GRM8: variants seen among roughly 807,000 people sequenced by gnomAD.
GRM8 encodes metabotropic glutamate receptor 8.
A neutral mutation model predicts 87.2 loss-of-function variants in GRM8; 47 were observed. That is an observed-to-expected ratio of 0.54 (90% CI 0.43 to 0.69). GRM8 has a LOEUF of 0.69. GRM8 is among the 30% of genes least tolerant of loss of function. The probability of loss-of-function intolerance (pLI) is 0.00; values close to 1 mark genes in which losing one functional copy is unlikely to be tolerated. For missense variants in GRM8, 1,019 were observed against 1,139.2 expected, an observed-to-expected ratio of 0.89 and a Z score of 1.52; for synonymous variants, 396 against 404.5, an observed-to-expected ratio of 0.98 and a Z score of 0.25.
chr7:126,997,967 C>T (rs1051338353), intron 3 of GRM8, among the ~76,000 whole-genome samples: 3 of 151,850 alleles, frequency 2.0e-5, no homozygotes, highest in African/African-American at 4.8e-5. Context: ...CAGACAAAGA[C>T]ACATCAAAAA....
At chr7:126,745,418 T>TATATTATA (rs1815539099) in intron 7 of GRM8, among the ~76,000 whole-genome samples, 1 of 150,690 alleles carries the variant, frequency 6.6e-6, no homozygotes, top group Non-Finnish European at 1.5e-5. Context: ...TATATTATAC[T>TATATTATA]TGTTTCTCTT....
At chr7:126,550,077 C>G (rs1312801376) in intron 8 of GRM8, among the ~76,000 whole-genome samples, 1 of 151,688 alleles carries the variant, frequency 6.6e-6, no homozygotes, top group African/African-American at 2.4e-5. Context: ...GACAAATTGA[C>G]AAGTTCCAGA....
chr7:127,251,835 C>T (rs564119870), intron 1 of GRM8, among the ~76,000 whole-genome samples: 1 of 152,250 alleles, frequency 6.6e-6, no homozygotes, highest in South Asian at 2.1e-4. Context: ...CCCCCCAACC[C>T]CCAGCAGGAC....
At chr7:126,524,754 G>A (rs536834940) in intron 9 of GRM8, among the ~76,000 whole-genome samples, 30 of 151,560 alleles carry the variant, frequency 2.0e-4, no homozygotes, top group African/African-American at 6.5e-4. Context: ...CTCTGCTCTG[G>A]TTCTATGTTT....
At chr7:126,868,713 A>T (rs1465989254) in intron 6 of GRM8, 1 of 152,254 alleles carries the variant, frequency 6.6e-6, no homozygotes, top group East Asian at 1.9e-4. Flanking sequence ...GCATTATATC[A>T]GAAAAACAAT....
chr7:126,645,806 G>C (rs1251577248), intron 7 of GRM8, among the ~76,000 whole-genome samples: 1 of 152,126 alleles, frequency 6.6e-6, no homozygotes, highest in Non-Finnish European at 1.5e-5. Flanking sequence ...AGATTTCTTA[G>C]CCATCTGGCT....
At chr7:127,084,810 A>C (rs943736316) in intron 3 of GRM8, 2 of 152,168 alleles carry the variant, frequency 1.3e-5, no homozygotes, top group Non-Finnish European at 2.9e-5. Context: ...GAAAGACCAC[A>C]GGTTGTTTTT....
In GRM8 at chr7:126,879,078, G is replaced by T. The variant is rs188529695; in HGVS notation, c.1156+23464C>A. Among the ~76,000 whole-genome samples, 605 of 150,874 alleles carry T rather than the reference G, an allele frequency of 4.0e-3. 8 individuals are homozygous for T. Among genetic ancestry groups the T allele is most frequent in the African/African-American group, 0.014 (585 of 41,120 alleles). On this transcript the variant is annotated intron_variant, in intron 6 of 10. Coordinates refer to ENST00000339582, the MANE Select transcript of GRM8 (RefSeq NM_000845.3). The stretch of plus-strand genomic sequence containing the variant: ...CTCGGGAGGCTGAGGCAGGAGAATT[G>T]CTTGAACTCAGAAGGTGGAGGTTGC...
Position 126,446,320 on chromosome 7 carries a change from A to G in GRM8, c.2483T>C (p.Val828Ala), listed in dbSNP as rs1397956481. The change falls in exon 10 of 11, where the codon GTA becomes GCA. Residue 828 changes from valine to alanine, a missense_variant. Coordinates refer to ENST00000339582, the MANE Select transcript of GRM8 (RefSeq NM_000845.3). ...LTVSMSLSASVSLGMLYMPKV... is the reference protein window; with the variant it reads ...LTVSMSLSASASLGMLYMPKV... ...GGGCATATAGAGCATGCCCAGAGAT[A>G]CTGAAGCACTTAAACTCATGGAGAC... 4 of 1,610,224 alleles carry G rather than the reference A, an allele frequency of 2.5e-6. No homozygotes were observed. Among genetic ancestry groups the G allele is most frequent in the Non-Finnish European group, 3.4e-6 (4 of 1,177,098 alleles).
At chr7:126,737,764 T>C (rs1252822530) in intron 7 of GRM8, among the ~76,000 whole-genome samples, 1 of 152,022 alleles carries the variant, frequency 6.6e-6, no homozygotes, top group Non-Finnish European at 1.5e-5. Flanking sequence ...GTCCTGAGAA[T>C]GTAAGGTCAA....
intron 6 of GRM8, among the ~76,000 whole-genome samples, chr7:126,827,055 G>C (rs1049458570): frequency 6.6e-6 from 1 of 152,244 alleles, no homozygotes; most frequent in East Asian, 1.9e-4. Context: ...TGAGGGCTCT[G>C]TTCTGTTCCA....
At chr7:127,059,243 T>C (rs969159621) in intron 3 of GRM8, among the ~76,000 whole-genome samples, 1 of 151,966 alleles carries the variant, frequency 6.6e-6, no homozygotes, top group African/African-American at 2.4e-5. Flanking sequence ...AAGTTGGACA[T>C]GTGGGAGACA....
At chr7:126,797,132 T>A (rs1387283328) in intron 6 of GRM8, among the ~76,000 whole-genome samples, 1 of 152,110 alleles carries the variant, frequency 6.6e-6, no homozygotes, top group Non-Finnish European at 1.5e-5. Flanking sequence ...AAGCTTCCTA[T>A]CCCCACCCTA....
intron 7 of GRM8, among the ~76,000 whole-genome samples, chr7:126,634,534 T>C (rs569986653): frequency 6.6e-6 from 1 of 152,250 alleles, no homozygotes; most frequent in African/African-American, 2.4e-5. Context: ...CCCTATAGTA[T>C]CTGGGGTTTG....
chr7:126,676,206 A>G (rs1037376378), intron 7 of GRM8, among the ~76,000 whole-genome samples: 64 of 152,306 alleles, frequency 4.2e-4, no homozygotes, highest in East Asian at 3.9e-4. Context: ...CAAGGAGACT[A>G]TCACATGCTG....
At chr7:127,018,211 G>C (rs1419436) in intron 3 of GRM8, among the ~76,000 whole-genome samples, 2 of 151,630 alleles carry the variant, frequency 1.3e-5, no homozygotes, top group African/African-American at 4.8e-5. Flanking sequence ...CATATATAAA[G>C]GGCAGCTGCC....
intron 6 of GRM8, among the ~76,000 whole-genome samples, chr7:126,798,444 T>C (rs200906473): frequency 1.3e-5 from 2 of 152,096 alleles, no homozygotes; most frequent in East Asian, 1.9e-4. Context: ...GGCCACCTCA[T>C]AGTGATAGGG....
intron 9 of GRM8, among the ~76,000 whole-genome samples, chr7:126,493,652 C>A (rs746362874): frequency 2.6e-5 from 4 of 152,008 alleles, no homozygotes; most frequent in Non-Finnish European, 5.9e-5. Flanking sequence ...ACATGTGAAG[C>A]TTTGCTCCAT....
chr7:126,981,899 G>C (rs1811571486), intron 3 of GRM8: 1 of 152,114 alleles, frequency 6.6e-6, no homozygotes, highest in Non-Finnish European at 1.5e-5. Flanking sequence ...TTGACAGAGG[G>C]AAGACAAATA....
Sources: allele counts gnomAD v4.1 joint callset (sites outside exome capture counted in the v4.1 genomes callset), GRCh38; gene constraint gnomAD v4.1.1; transcripts MANE v1.5; gene names NCBI Gene and HGNC (gene_info 2026-07-23, HGNC 2026-07-21).